RALYL: variants seen among roughly 807,000 people sequenced by gnomAD.
The protein encoded by RALYL is RALY RNA binding protein like.
RALYL carries 29 observed loss-of-function variants against 35.1 expected under a neutral mutation model. The observed-to-expected ratio is 0.83, with a 90% confidence interval of 0.61 to 1.13. The LOEUF (loss-of-function observed/expected upper bound fraction) is 1.13, where lower values mean the gene tolerates loss of function less well. RALYL is among the 50% of genes most tolerant of loss of function. The pLI, the probability that RALYL is intolerant of heterozygous loss-of-function variation, is 0.00. For synonymous variants in RALYL, 120 were observed against 127.6 expected (o/e 0.94, Z 0.40); for missense variants, 359 against 360.4 (o/e 1.00, Z 0.03).
chr8:84,409,257 T>C (rs1374122915), intron 1 of RALYL, among the ~76,000 whole-genome samples: 1 of 152,156 alleles, frequency 6.6e-6, no homozygotes, highest in African/African-American at 2.4e-5. Context: ...AATTTATCTA[T>C]TATGTATTCA....
intron 1 of RALYL, among the ~76,000 whole-genome samples, chr8:84,234,570 G>C (rs28478881): frequency 0.17 from 26,517 of 151,916 alleles, 2,547 homozygotes; most frequent in African/African-American, 0.25. Context: ...AGTTACTTAA[G>C]CATTTTAAGC....
chr8:84,248,932 T>A (rs1313592672), intron 1 of RALYL, among the ~76,000 whole-genome samples: 1 of 152,070 alleles, frequency 6.6e-6, no homozygotes, highest in Non-Finnish European at 1.5e-5. Context: ...ATTATCCAGC[T>A]TGATTATGTC....
At chr8:84,587,155 G>A (rs1812205883) in intron 2 of RALYL, among the ~76,000 whole-genome samples, 1 of 152,124 alleles carries the variant, frequency 6.6e-6, no homozygotes, top group Non-Finnish European at 1.5e-5. Context: ...GACACATTCT[G>A]GTGGCAAAAC....
intron 2 of RALYL, among the ~76,000 whole-genome samples, chr8:84,599,276 A>C (rs920196975): frequency 1.1e-4 from 16 of 152,064 alleles, no homozygotes; most frequent in Non-Finnish European, 1.5e-4. Context: ...ATACATGTGA[A>C]ATATTTTATA....
At chr8:84,364,095 A>G (rs1271217935) in intron 1 of RALYL, among the ~76,000 whole-genome samples, 1 of 152,174 alleles carries the variant, frequency 6.6e-6, no homozygotes, top group East Asian at 1.9e-4. Flanking sequence ...AGGGCCAGAC[A>G]TAAACCACAA....
At chr8:84,729,956 C>T (rs529939564) in intron 2 of RALYL, among the ~76,000 whole-genome samples, 1 of 152,044 alleles carries the variant, frequency 6.6e-6, no homozygotes, top group African/African-American at 2.4e-5. Flanking sequence ...ACCAGAGGTA[C>T]AAGGAGGAAC....
chr8:84,553,644 T>A (rs1343881386), intron 2 of RALYL, among the ~76,000 whole-genome samples: 2 of 152,120 alleles, frequency 1.3e-5, no homozygotes, highest in Admixed American at 6.5e-5. Context: ...GAATTGGAAG[T>A]ATTTCTAAAA....
intron 1 of RALYL, among the ~76,000 whole-genome samples, chr8:84,288,245 C>G (rs1203093324): frequency 1.3e-5 from 2 of 152,118 alleles, no homozygotes; most frequent in Non-Finnish European, 2.9e-5. Flanking sequence ...TCCCGACACC[C>G]AGGCCACATC....
intron 1 of RALYL, among the ~76,000 whole-genome samples, chr8:84,250,041 T>C: frequency 6.6e-6 from 1 of 152,056 alleles, no homozygotes; most frequent in East Asian, 1.9e-4. Flanking sequence ...CAGATTAATT[T>C]ATTACAATAT....
At chr8:84,281,491 AGT>A in intron 1 of RALYL, among the ~76,000 whole-genome samples, 1 of 151,442 alleles carries the variant, frequency 6.6e-6, no homozygotes, top group East Asian at 1.9e-4. Flanking sequence ...AACTACACAG[AGT>A]GTCCTCTCTT....
chr8:84,416,651 G>T (rs918464501), intron 1 of RALYL, among the ~76,000 whole-genome samples: 4 of 152,120 alleles, frequency 2.6e-5, no homozygotes, highest in African/African-American at 9.6e-5. Flanking sequence ...TTTCCTGAAG[G>T]TCATCAAAAA....
intron 2 of RALYL, among the ~76,000 whole-genome samples, chr8:84,717,357 T>C (rs1234591448): frequency 3.9e-5 from 6 of 152,226 alleles, no homozygotes; most frequent in Non-Finnish European, 8.8e-5. Flanking sequence ...CCATCTAACA[T>C]AGTCATTTGT....
chr8:84,344,839 C>T (rs997050670), intron 1 of RALYL, among the ~76,000 whole-genome samples: 7 of 151,996 alleles, frequency 4.6e-5, no homozygotes, highest in African/African-American at 1.7e-4. Flanking sequence ...ATAATGTCTT[C>T]CAGGTTCATT....
chr8:84,596,459 A>C (rs1432687027), intron 2 of RALYL, among the ~76,000 whole-genome samples: 1 of 152,170 alleles, frequency 6.6e-6, no homozygotes, highest in Non-Finnish European at 1.5e-5. Flanking sequence ...TTCAGGGTTA[A>C]GAGAAACCAT....
chr8:84,359,387 C>A (rs1852495348), intron 1 of RALYL, among the ~76,000 whole-genome samples: 1 of 151,794 alleles, frequency 6.6e-6, no homozygotes, highest in African/African-American at 2.4e-5. Context: ...GATATACTTG[C>A]AGGGTCAAAG....
At position 84,489,227 on chromosome 8, in the gene RALYL, C is replaced by T. The variant is rs547315055; in HGVS notation, c.-23-40072C>T. ...GCTTTTCTTTCTTTTTCCTTTTCTTCCCTTTGGCTTTTGTGTTATTGTTGA... is the reference window on the plus strand; with the variant it reads ...GCTTTTCTTTCTTTTTCCTTTTCTTTCCTTTGGCTTTTGTGTTATTGTTGA... On this transcript the variant is annotated intron_variant, in intron 1 of 8. Transcript: ENST00000521268. Among the ~76,000 whole-genome samples the T allele has an allele frequency of 2.2e-4, 34 of 151,950 alleles. No individual in the cohort carries two copies. In the East Asian group the frequency reaches 5.8e-3, roughly 26 times the overall value.
At chr8:84,506,184 T>A (rs2057149970) in intron 1 of RALYL, among the ~76,000 whole-genome samples, 1 of 152,096 alleles carries the variant, frequency 6.6e-6, no homozygotes, top group Admixed American at 6.6e-5. Flanking sequence ...TACCCAGGTT[T>A]TATAATAATT....
intron 1 of RALYL, among the ~76,000 whole-genome samples, chr8:84,303,045 G>C (rs1433723603): frequency 6.6e-6 from 1 of 152,148 alleles, no homozygotes; most frequent in African/African-American, 2.4e-5. Context: ...CCAATATGCT[G>C]TTGAGGTTAG....
intron 2 of RALYL, among the ~76,000 whole-genome samples, chr8:84,575,388 T>TA (rs201431964): frequency 0.014 from 2,097 of 152,338 alleles, 17 homozygotes; most frequent in Middle Eastern, 0.041. Context: ...TATAGAATTA[T>TA]AAAAGCAGTA....
Sources: gnomAD v4.1 joint callset for allele counts (sites outside exome capture counted in the v4.1 genomes callset) on GRCh38, gnomAD v4.1.1 for gene constraint, MANE v1.5 for transcripts, NCBI Gene and HGNC (gene_info 2026-07-23, HGNC 2026-07-21) for gene names.